SLC17A8: variants seen among roughly 807,000 people sequenced by gnomAD.
SLC17A8 encodes vesicular glutamate transporter 3.
In SLC17A8, 31 loss-of-function variants were observed where a neutral mutation model predicts 58.0. That is an observed-to-expected ratio of 0.53 (90% CI 0.40 to 0.72). SLC17A8 has a LOEUF of 0.72. SLC17A8 is among the 30% of genes least tolerant of loss of function. The pLI is 0.00. For missense variants in SLC17A8, 655 were observed against 727.8 expected (o/e 0.90, Z 1.15); for synonymous variants, 228 against 249.0 (o/e 0.92, Z 0.79).
In SLC17A8 at chr12:100,380,025, C is replaced by G. The variant is rs374153400; in HGVS notation, c.102-676C>G. On this transcript the variant is annotated intron_variant, in intron 1 of 11. Transcript: ENST00000323346. ...ACCAGCCTGACCAACATGGAGAAAC[C>G]CCGTCTCTACTGAAAATACAAAAAT... Among the ~76,000 whole-genome samples, 10 of 152,046 alleles carry G rather than the reference C, an allele frequency of 6.6e-5. No homozygotes were observed. In the South Asian group the frequency reaches 1.9e-3, roughly 28 times the overall value.
At chr12:100,414,767 T>A (rs1388475476) in intron 10 of SLC17A8, among the ~76,000 whole-genome samples, 3 of 152,208 alleles carry the variant, frequency 2.0e-5, no homozygotes, top group Admixed American at 2.0e-4. Context: ...TGTTCACCAT[T>A]ATTGTTCTAT....
intron 5 of SLC17A8, among the ~76,000 whole-genome samples, chr12:100,400,386 T>C (rs1387328632): frequency 1.3e-5 from 2 of 152,154 alleles, no homozygotes; most frequent in African/African-American, 2.4e-5. Context: ...GTGTAACCCA[T>C]TATAGCTTAC....
intron 9 of SLC17A8, among the ~76,000 whole-genome samples, chr12:100,411,718 G>A (rs1395340536): frequency 2.6e-5 from 4 of 151,888 alleles, no homozygotes; most frequent in Admixed American, 2.6e-4. Flanking sequence ...CGGGTGAGAA[G>A]GAACTTCTTC....
chr12:100,399,393 A>G (rs1017428460), intron 5 of SLC17A8, among the ~76,000 whole-genome samples: 48 of 152,322 alleles, frequency 3.2e-4, no homozygotes, highest in African/African-American at 1.2e-3. Context: ...CTGATAGAAA[A>G]GAAGGGTAGT....
chr12:100,404,232 A>T (rs889477127), intron 9 of SLC17A8, 62 bp downstream of exon 9: 40 of 1,599,918 alleles, frequency 2.5e-5, no homozygotes, highest in Non-Finnish European at 2.6e-6. Flanking sequence ...ACTGAACTGC[A>T]GAGCATATAT....
intron 3 of SLC17A8, among the ~76,000 whole-genome samples, chr12:100,391,560 C>G (rs1952717120): frequency 6.6e-6 from 1 of 152,240 alleles, no homozygotes; most frequent in Non-Finnish European, 1.5e-5. Flanking sequence ...CCGCCTTAGC[C>G]TCCCAAAGTA....
chr12:100,396,302 A>G, intron 4 of SLC17A8, 28 bp from the exon 5 acceptor site: 1 of 1,571,500 alleles, frequency 6.4e-7, no homozygotes, highest in African/African-American at 1.3e-5. Context: ...AGTCAAATCA[A>G]CTAATCTATT....
intron 1 of SLC17A8, among the ~76,000 whole-genome samples, chr12:100,367,424 G>A (rs1246620368): frequency 6.6e-6 from 1 of 152,150 alleles, no homozygotes; most frequent in Non-Finnish European, 1.5e-5. Flanking sequence ...AATGAAATAG[G>A]CTTGTAAATT....
intron 9 of SLC17A8, among the ~76,000 whole-genome samples, chr12:100,411,082 G>C (rs1304978999): frequency 6.6e-6 from 1 of 152,206 alleles, no homozygotes; most frequent in East Asian, 1.9e-4. Flanking sequence ...TCTAAACACA[G>C]AATATGGAAG....
At chr12:100,397,311 T>C (rs1024782682) in intron 5 of SLC17A8, among the ~76,000 whole-genome samples, 6 of 152,218 alleles carry the variant, frequency 3.9e-5, no homozygotes, top group African/African-American at 1.4e-4. Flanking sequence ...TGACTGTTGA[T>C]CTGGAACTTT....
intron 1 of SLC17A8, among the ~76,000 whole-genome samples, chr12:100,366,915 G>A (rs1186872182): frequency 6.6e-6 from 1 of 152,150 alleles, no homozygotes; most frequent in African/African-American, 2.4e-5. Flanking sequence ...TACCTATGAT[G>A]GTTAAGTGCT....
chr12:100,388,757 T>C (rs969534574), intron 2 of SLC17A8, among the ~76,000 whole-genome samples: 5 of 152,216 alleles, frequency 3.3e-5, no homozygotes, highest in Non-Finnish European at 7.3e-5. Context: ...ATGTTGATAA[T>C]TAGGAACCCT....
chr12:100,377,012 GT>G (rs1299582093), intron 1 of SLC17A8, among the ~76,000 whole-genome samples: 5 of 152,108 alleles, frequency 3.3e-5, no homozygotes, highest in African/African-American at 1.2e-4. Flanking sequence ...GTTTTGCCGT[GT>G]TGGTCAGTCT....
intron 10 of SLC17A8, among the ~76,000 whole-genome samples, chr12:100,416,091 T>C (rs563007148): frequency 5.9e-5 from 9 of 152,240 alleles, no homozygotes; most frequent in Non-Finnish European, 1.3e-4. Context: ...AAATGTCCTA[T>C]ACAGAAGATA....
intron 4 of SLC17A8, among the ~76,000 whole-genome samples, chr12:100,395,864 C>T (rs1373481309): frequency 6.6e-6 from 1 of 152,214 alleles, no homozygotes; most frequent in Non-Finnish European, 1.5e-5. Context: ...CCACCCACCT[C>T]GGCCTCTCAA....
chr12:100,402,885 CA>C, intron 8 of SLC17A8, 140 bp downstream of exon 8: 1 of 849,384 alleles, frequency 1.2e-6, no homozygotes, highest in South Asian at 1.8e-5. Flanking sequence ...GGCTGTCAGA[CA>C]AGTTATACAT....
chr12:100,371,164 A>G (rs1180239444), intron 1 of SLC17A8, among the ~76,000 whole-genome samples: 4 of 152,182 alleles, frequency 2.6e-5, no homozygotes, highest in Non-Finnish European at 5.9e-5. Flanking sequence ...TTGATTATTT[A>G]TCAAGTGCCA....
rs1952934753 is a variant in SLC17A8, at chr12:100,419,853, C to T, written c.1464C>T (p.Ala488=). The stretch of plus-strand genomic sequence containing the variant: ...GGCAGAATGTGTTCCTCATAGCTGC[C>T]CTGGTGCATTACAGTGGTGTGATCT... ...EEWQNVFLIA[A]LVHYSGVIFY... is the part of the protein sequence containing the mutation. The change falls in exon 12 of 12, where the codon GCC becomes GCT. Residue 488 remains alanine (A), a synonymous_variant. Transcript: ENST00000323346. 6.2e-7 allele frequency: 1 copy of T among 1,613,954 alleles called. No individual in the cohort carries two copies. Among genetic ancestry groups the T allele is most frequent in the Non-Finnish European group, 8.5e-7 (1 of 1,180,040 alleles).
rs752541414 is a variant in SLC17A8, at chr12:100,401,899, C to T, written c.763+36C>T. 3.3e-6 allele frequency: 5 copies of T among 1,522,364 alleles called. No homozygotes were observed. In the African/African-American group the frequency reaches 5.5e-5, roughly 17 times the overall value. The allele number at this position is 1,522,364 out of a possible 1,614,324, so 94.3% of individuals were successfully genotyped here. A position where few individuals can be genotyped will look rare whatever the true frequency, so the allele number is the denominator to read the frequency against. On this transcript the variant is annotated intron_variant, in intron 6 of 11. Transcript: ENST00000323346. Reference sequence around the variant, plus strand: ...TGACTTCACAAGTTCACATGTGACTCATAGAGATGGTATTTTACTGCATAT... The same window carrying T: ...TGACTTCACAAGTTCACATGTGACTTATAGAGATGGTATTTTACTGCATAT...
Sources: allele counts gnomAD v4.1 joint callset (sites outside exome capture counted in the v4.1 genomes callset), GRCh38; gene constraint gnomAD v4.1.1; transcripts MANE v1.5; gene names NCBI Gene and HGNC (gene_info 2026-07-23, HGNC 2026-07-21).